The following VAV3 variants were observed in gnomAD, a reference collection of about 807,000 sequenced individuals.
The protein encoded by VAV3 is vav guanine nucleotide exchange factor 3, also known as guanine nucleotide exchange factor VAV3.
Under a neutral mutation model 131.2 loss-of-function variants are expected in VAV3, and 94 were observed. That is an observed-to-expected ratio of 0.72 (90% CI 0.61 to 0.85). The LOEUF (loss-of-function observed/expected upper bound fraction) is 0.85. VAV3 is among the 40% of genes least tolerant of loss of function. The pLI is 0.00. For missense variants in VAV3, 939 were observed against 1,002.7 expected, an observed-to-expected ratio of 0.94 and a Z score of 0.86; for synonymous variants, 349 against 342.0, an observed-to-expected ratio of 1.02 and a Z score of -0.22.
Position 107,766,568 on chromosome 1 carries a change from T to C in VAV3, c.718-18A>G, listed in dbSNP as rs1370326844. ...ACAAGTTCCTAAGAAAAGAAAACAA[T>C]GTGAAAGGAAAGTAGGAATAACAAC... On this transcript the variant is annotated intron_variant, in intron 7 of 26. Transcript: ENST00000370056. 8.1e-6 allele frequency: 13 copies of C among 1,599,302 alleles called. No homozygotes were observed. The highest frequency in any genetic ancestry group is 1.0e-5 in the Non-Finnish European group (12 of 1,168,826).
intron 2 of VAV3, among the ~76,000 whole-genome samples, chr1:107,870,415 G>C (rs750346260): frequency 6.6e-5 from 10 of 152,058 alleles, no homozygotes; most frequent in Non-Finnish European, 1.5e-4. Context: ...TCATATGTTT[G>C]TTGGCCATTT....
intron 1 of VAV3, among the ~76,000 whole-genome samples, chr1:107,930,949 T>A (rs1283851529): frequency 1.3e-5 from 2 of 152,196 alleles, no homozygotes; most frequent in African/African-American, 4.8e-5. Context: ...AACAAGTTAA[T>A]GACACCATGA....
At chr1:107,834,947 T>G (rs1668405537) in intron 2 of VAV3, among the ~76,000 whole-genome samples, 1 of 152,134 alleles carries the variant, frequency 6.6e-6, no homozygotes, top group African/African-American at 2.4e-5. Flanking sequence ...CAGGGGCATC[T>G]GTCCAGAGAG....
intron 17 of VAV3, among the ~76,000 whole-genome samples, chr1:107,701,222 C>T (rs1660110200): frequency 2.0e-5 from 3 of 152,072 alleles, no homozygotes; most frequent in Admixed American, 2.0e-4. Flanking sequence ...TAGACGGATA[C>T]CTAAACTTCA....
intron 21 of VAV3, among the ~76,000 whole-genome samples, chr1:107,612,119 C>T (rs545836252): frequency 2.2e-4 from 33 of 149,424 alleles, no homozygotes; most frequent in African/African-American, 6.4e-4. Context: ...ATATAGTATC[C>T]GTACAAAATT....
In VAV3 at chr1:107,947,524, C is replaced by T. The variant is rs375025539; in HGVS notation, c.204+17142G>A. On this transcript the variant is annotated intron_variant, in intron 1 of 26. Coordinates refer to ENST00000370056, the MANE Select transcript of VAV3 (RefSeq NM_006113.5). ...ACATCTCTGGTGCTGTGCTAGGTAT[C>T]TTGCCCATCTGAGTTCACTTACTCT... Among the ~76,000 whole-genome samples, 5 of 152,244 alleles carry T rather than the reference C, an allele frequency of 3.3e-5. 1 individual carries two copies. Among genetic ancestry groups the T allele is most frequent in the African/African-American group, 1.2e-4 (5 of 41,542 alleles).
chr1:107,844,023 C>T (rs1668849017), intron 2 of VAV3, among the ~76,000 whole-genome samples: 1 of 152,028 alleles, frequency 6.6e-6, no homozygotes, highest in Admixed American at 6.6e-5. Flanking sequence ...TTCCTGGATT[C>T]TGGGCAAGAT....
At chr1:107,710,225 G>A (rs774727924) in intron 15 of VAV3, among the ~76,000 whole-genome samples, 2 of 152,164 alleles carry the variant, frequency 1.3e-5, no homozygotes, top group African/African-American at 4.8e-5. Context: ...ACATCATGCT[G>A]TCTCATGCTC....
chr1:107,803,094 T>C (rs952006874), intron 2 of VAV3, among the ~76,000 whole-genome samples: 6 of 152,040 alleles, frequency 3.9e-5, no homozygotes, highest in Non-Finnish European at 5.9e-5. Context: ...CAGGCATTTA[T>C]CTGTTTCTTC....
chr1:107,829,596 AT>A (rs987027883), intron 2 of VAV3, among the ~76,000 whole-genome samples: 2 of 151,942 alleles, frequency 1.3e-5, no homozygotes, highest in Admixed American at 6.6e-5. Context: ...TAACCACAGT[AT>A]TTTTTTTCTC....
At chr1:107,670,336 A>T (rs1657695087) in intron 19 of VAV3, among the ~76,000 whole-genome samples, 1 of 152,176 alleles carries the variant, frequency 6.6e-6, no homozygotes, top group African/African-American at 2.4e-5. Context: ...GATCTCTCTG[A>T]TCCATGGGCC....
At chr1:107,698,654 C>A (rs1010128582) in intron 17 of VAV3, among the ~76,000 whole-genome samples, 2 of 152,146 alleles carry the variant, frequency 1.3e-5, no homozygotes, top group South Asian at 2.1e-4. Context: ...ATTATTGGCC[C>A]TGTTTTACAA....
chr1:107,725,227 C>T (rs558647237), intron 15 of VAV3, among the ~76,000 whole-genome samples: 30 of 152,136 alleles, frequency 2.0e-4, no homozygotes, highest in Non-Finnish European at 3.1e-4. Flanking sequence ...AAGAAGCTAA[C>T]AGTAGCCCAG....
At chr1:107,832,876 A>T (rs1226881428) in intron 2 of VAV3, among the ~76,000 whole-genome samples, 1 of 152,214 alleles carries the variant, frequency 6.6e-6, no homozygotes, top group Non-Finnish European at 1.5e-5. Context: ...AATTGAATGC[A>T]TTCATGCTAG....
intron 15 of VAV3, among the ~76,000 whole-genome samples, chr1:107,741,322 T>C (rs1206564216): frequency 6.6e-6 from 1 of 152,220 alleles, no homozygotes; most frequent in Non-Finnish European, 1.5e-5. Flanking sequence ...CTGGGTAACA[T>C]GACATGGCTT....
In VAV3 at chr1:107,687,814, A is replaced by C. The variant is rs144513925; in HGVS notation, c.1731+567T>G. ...AAATAACTTTTTTTTGGATTTTTAA[A>C]GTAACTTTATTCTGAGAGGTAACAT... is the stretch of plus-strand genomic sequence containing the variant. On this transcript the variant is annotated intron_variant, in intron 18 of 26. Transcript: ENST00000370056. 1.4e-3 allele frequency among the ~76,000 whole-genome samples: 215 copies of C among 152,290 alleles called. 2 individuals are homozygous for C. The highest frequency in any genetic ancestry group is 4.9e-3 in the African/African-American group (204 of 41,554).
chr1:107,796,060 C>CTT (rs901237719), intron 2 of VAV3, among the ~76,000 whole-genome samples: 1 of 147,360 alleles, frequency 6.8e-6, no homozygotes, highest in Non-Finnish European at 1.5e-5. Flanking sequence ...AAAGCTTAAT[C>CTT]TTTTTTTTTT....
At chr1:107,600,813 C>G (rs4915054) in intron 24 of VAV3, among the ~76,000 whole-genome samples, 142,704 of 152,274 alleles carry the variant, frequency 0.94, 67,459 homozygotes, top group East Asian at 1. Flanking sequence ...AAGCTAAATT[C>G]ATTGGCCCTT....
chr1:107,644,715 A>C (rs1181849943), intron 19 of VAV3, among the ~76,000 whole-genome samples: 1 of 152,082 alleles, frequency 6.6e-6, no homozygotes, highest in Non-Finnish European at 1.5e-5. Context: ...GGAAAAAATT[A>C]ACTTTGATGA....
Sources: allele counts gnomAD v4.1 joint callset (sites outside exome capture counted in the v4.1 genomes callset), GRCh38; gene constraint gnomAD v4.1.1; transcripts MANE v1.5; gene names NCBI Gene and HGNC (gene_info 2026-07-23, HGNC 2026-07-21).